Variants in NRG3 observed in about 807,000 individuals in gnomAD.
NRG3 encodes pro-neuregulin-3, membrane-bound isoform.
NRG3 carries 31 observed loss-of-function variants against 66.9 expected under a neutral mutation model. That is an observed-to-expected ratio of 0.46 (90% CI 0.35 to 0.63). The LOEUF is 0.63. Ranked by LOEUF, NRG3 falls within the 20% of genes least tolerant of loss-of-function variation. NRG3 has a pLI of 0.00. For missense variants in NRG3, 910 were observed against 878.9 expected (o/e 1.04, Z -0.45); for synonymous variants, 393 against 359.4 (o/e 1.09, Z -1.06).
chr10:82,890,170 C>A (rs1843032246), intron 4 of NRG3, among the ~76,000 whole-genome samples: 1 of 142,412 alleles, frequency 7.0e-6, no homozygotes, highest in Non-Finnish European at 1.5e-5. Flanking sequence ...GCTTTATCTT[C>A]AGGAAAAAAA....
At chr10:82,358,605 G>A in intron 1 of NRG3, 134 bp from the exon 2 acceptor site, 1 of 1,177,272 alleles carries the variant, frequency 8.5e-7, no homozygotes, top group Non-Finnish European at 1.2e-6. Context: ...AGGAGGGTTG[G>A]AGCTGTCTGT....
chr10:82,415,179 A>C (rs1455835299), intron 2 of NRG3, among the ~76,000 whole-genome samples: 2 of 152,130 alleles, frequency 1.3e-5, no homozygotes, highest in Non-Finnish European at 2.9e-5. Context: ...ATGGGTAAAA[A>C]TGCTCAGTGA....
chr10:82,493,963 A>T (rs1046104594), intron 2 of NRG3, among the ~76,000 whole-genome samples: 1 of 152,230 alleles, frequency 6.6e-6, no homozygotes, highest in Non-Finnish European at 1.5e-5. Flanking sequence ...GAAGACACTC[A>T]TGAAGCCAAT....
intron 4 of NRG3, among the ~76,000 whole-genome samples, chr10:82,929,455 G>A (rs1253085884): frequency 1.3e-5 from 2 of 152,180 alleles, no homozygotes; most frequent in African/African-American, 2.4e-5. Context: ...TGCAAACAGT[G>A]CCTGCGGACG....
In NRG3 at chr10:81,993,332, G is replaced by A. The variant is rs565112645; in HGVS notation, c.823+117169G>A. Among the ~76,000 whole-genome samples the A allele has an allele frequency of 2.6e-5, 4 of 152,192 alleles. No homozygotes were observed. The South Asian group carries it at 8.3e-4, about 32-fold the overall frequency. On this transcript the variant is annotated intron_variant, in intron 1 of 8. Transcript: ENST00000372141. Reference sequence around the variant, plus strand: ...ACACAGCTTAGTTTAAAGTAGCTGAGATGTGAGTTGTTTTTTGTTTTATTT... The same window carrying A: ...ACACAGCTTAGTTTAAAGTAGCTGAAATGTGAGTTGTTTTTTGTTTTATTT...
At chr10:82,810,369 A>G (rs2061441520) in intron 3 of NRG3, among the ~76,000 whole-genome samples, 1 of 152,124 alleles carries the variant, frequency 6.6e-6, no homozygotes, top group Admixed American at 6.5e-5. Context: ...TTTCTATGTG[A>G]ATGTTTTTGA....
intron 1 of NRG3, among the ~76,000 whole-genome samples, chr10:81,911,020 G>T (rs1415015906): frequency 2.6e-5 from 4 of 152,096 alleles, no homozygotes; most frequent in Non-Finnish European, 5.9e-5. Context: ...AGGTTATTCA[G>T]TGGAACTTAT....
At chr10:82,268,119 G>A (rs1390547745) in intron 1 of NRG3, among the ~76,000 whole-genome samples, 1 of 152,126 alleles carries the variant, frequency 6.6e-6, no homozygotes, top group African/African-American at 2.4e-5. Context: ...TTCACAAAAT[G>A]GAAAGTGGAA....
chr10:82,152,445 A>C (rs1443733074), intron 1 of NRG3, among the ~76,000 whole-genome samples: 1 of 152,128 alleles, frequency 6.6e-6, no homozygotes, highest in Non-Finnish European at 1.5e-5. Context: ...GCCAAAAGTC[A>C]CCCAGCAAAT....
intron 1 of NRG3, among the ~76,000 whole-genome samples, chr10:82,125,109 A>C (rs1229180687): frequency 6.6e-6 from 1 of 152,058 alleles, no homozygotes; most frequent in East Asian, 1.9e-4. Context: ...AGATGAAAGA[A>C]ATATTACCAT....
chr10:82,225,173 T>C (rs1336300), intron 1 of NRG3, among the ~76,000 whole-genome samples: 15,818 of 152,150 alleles, frequency 0.1, 890 homozygotes, highest in Middle Eastern at 0.17. Flanking sequence ...TAAATGCTAA[T>C]GTGGGGAAAT....
chr10:82,786,487 C>A (rs1565314885), intron 3 of NRG3, among the ~76,000 whole-genome samples: 1 of 152,096 alleles, frequency 6.6e-6, no homozygotes, highest in Non-Finnish European at 1.5e-5. Flanking sequence ...TGCCTGCCCC[C>A]CCATTGTGTT....
chr10:82,816,781 G>A (rs2061725472), intron 3 of NRG3, among the ~76,000 whole-genome samples: 1 of 152,134 alleles, frequency 6.6e-6, no homozygotes, highest in Admixed American at 6.5e-5. Flanking sequence ...GCTGTTCCAG[G>A]CTCCCACAGG....
At chr10:81,911,252 T>C (rs1318276857) in intron 1 of NRG3, among the ~76,000 whole-genome samples, 2 of 152,194 alleles carry the variant, frequency 1.3e-5, no homozygotes, top group East Asian at 3.9e-4. Flanking sequence ...AGAATTCATT[T>C]ATTTTTGGGC....
intron 1 of NRG3, among the ~76,000 whole-genome samples, chr10:82,045,967 G>A (rs1399389729): frequency 6.6e-6 from 1 of 151,184 alleles, no homozygotes; most frequent in Admixed American, 6.6e-5. Context: ...TTTGGTTACT[G>A]TAGTCTTGTA....
chr10:82,380,926 A>C (rs955994599), intron 2 of NRG3, among the ~76,000 whole-genome samples: 3 of 152,172 alleles, frequency 2.0e-5, no homozygotes, highest in Non-Finnish European at 2.9e-5. Flanking sequence ...GCAGCGGATT[A>C]CATTCATACA....
rs912838426 is a variant in NRG3 at position 82,640,764 on chromosome 10, T to C, written c.954-97813T>C. 3.9e-5 allele frequency among the ~76,000 whole-genome samples: 6 copies of C among 152,298 alleles called. No individual in the cohort carries two copies. The East Asian group carries it at 1.2e-3, about 29-fold the overall frequency. On this transcript the variant is annotated intron_variant, in intron 2 of 8. Coordinates refer to ENST00000372141, the MANE Select transcript of NRG3 (RefSeq NM_001010848.4). ...CTTCATTAAACATGATTGGATATTA[T>C]GTTAATTCATTAAGCTCTACTTCAA...
At chr10:82,737,725 T>C (rs1449501147) in intron 2 of NRG3, among the ~76,000 whole-genome samples, 3 of 152,116 alleles carry the variant, frequency 2.0e-5, no homozygotes, top group Non-Finnish European at 4.4e-5. Context: ...CCGTATTTGT[T>C]CCTGGAATCA....
chr10:82,027,144 TC>T (rs2062350728), intron 1 of NRG3, among the ~76,000 whole-genome samples: 1 of 152,132 alleles, frequency 6.6e-6, no homozygotes, highest in African/African-American at 2.4e-5. Flanking sequence ...AGTAGAATAG[TC>T]TTTGGAAAAT....
Sources: gnomAD v4.1 joint callset for allele counts (sites outside exome capture counted in the v4.1 genomes callset) on GRCh38, gnomAD v4.1.1 for gene constraint, MANE v1.5 for transcripts, NCBI Gene and HGNC (gene_info 2026-07-23, HGNC 2026-07-21) for gene names.